Variants in GRID2 observed in about 807,000 individuals in gnomAD.
GRID2 encodes the protein glutamate receptor ionotropic, delta-2.
Under a neutral mutation model 114.8 loss-of-function variants are expected in GRID2, and 33 were observed. The observed-to-expected ratio is 0.29, with a 90% CI of 0.22 to 0.38. The LOEUF is 0.38. Among genes scored for constraint, GRID2 ranks in the 10% least tolerant of loss-of-function variants. The probability of loss-of-function intolerance (pLI) is 1.00; values close to 1 mark genes in which losing one functional copy is unlikely to be tolerated. For synonymous variants in GRID2, 505 were observed against 449.9 expected, an observed-to-expected ratio of 1.12 and a Z score of -1.55; for missense variants, 1,184 against 1,257.7, an observed-to-expected ratio of 0.94 and a Z score of 0.89.
At chr4:93,076,746 T>C (rs1729356321) in intron 2 of GRID2, among the ~76,000 whole-genome samples, 1 of 151,432 alleles carries the variant, frequency 6.6e-6, no homozygotes, top group Admixed American at 6.6e-5. Context: ...ACCTCCCAAG[T>C]AGCTGGGATT....
chr4:92,325,662 T>G (rs1315564275), intron 1 of GRID2, among the ~76,000 whole-genome samples: 1 of 151,746 alleles, frequency 6.6e-6, no homozygotes, highest in Non-Finnish European at 1.5e-5. Flanking sequence ...TTTTTGTTAT[T>G]TTTTTTATTC....
intron 1 of GRID2, among the ~76,000 whole-genome samples, chr4:92,435,519 G>A (rs1157386499): frequency 6.6e-6 from 1 of 152,132 alleles, no homozygotes; most frequent in East Asian, 1.9e-4. Context: ...AGTCTGTCTG[G>A]AATGAGACCC....
chr4:93,601,486 A>G (rs534607343), intron 13 of GRID2, among the ~76,000 whole-genome samples: 134 of 152,302 alleles, frequency 8.8e-4, no homozygotes, highest in African/African-American at 3.0e-3. Context: ...AATGAGGGGC[A>G]TTTTAACTAA....
intron 1 of GRID2, among the ~76,000 whole-genome samples, chr4:92,402,282 C>A (rs1326870252): frequency 6.6e-6 from 1 of 152,116 alleles, no homozygotes; most frequent in Non-Finnish European, 1.5e-5. Context: ...CCCTGTTGAT[C>A]TGTGTACTTT....
intron 2 of GRID2, among the ~76,000 whole-genome samples, chr4:92,620,833 C>T (rs377681559): frequency 2.0e-5 from 3 of 150,750 alleles, no homozygotes; most frequent in South Asian, 2.1e-4. Context: ...AGGAGATATA[C>T]CTAATGCTAA....
At chr4:92,367,999 C>A (rs1728952381) in intron 1 of GRID2, among the ~76,000 whole-genome samples, 1 of 151,950 alleles carries the variant, frequency 6.6e-6, no homozygotes, top group Non-Finnish European at 1.5e-5. Context: ...ATGTTGTGAG[C>A]TCAAAGAGAA....
intron 2 of GRID2, among the ~76,000 whole-genome samples, chr4:92,669,947 A>C (rs1732975159): frequency 6.6e-6 from 1 of 152,010 alleles, no homozygotes; most frequent in African/African-American, 2.4e-5. Context: ...TACTGTAGGT[A>C]ATTGAGCTAT....
At chr4:93,769,749 A>T (rs2110335630) in intron 15 of GRID2, among the ~76,000 whole-genome samples, 1 of 152,314 alleles carries the variant, frequency 6.6e-6, no homozygotes, top group African/African-American at 2.4e-5. Context: ...AGTGATTTTT[A>T]AAGGCCATGA....
chr4:92,946,587 A>T (rs1278720565), intron 2 of GRID2, among the ~76,000 whole-genome samples: 1 of 151,930 alleles, frequency 6.6e-6, no homozygotes, highest in Non-Finnish European at 1.5e-5. Flanking sequence ...TACTATGCAA[A>T]CTCTACTGCA....
intron 1 of GRID2, among the ~76,000 whole-genome samples, chr4:92,466,153 A>G (rs897711340): frequency 6.6e-6 from 1 of 151,822 alleles, no homozygotes; most frequent in African/African-American, 2.4e-5. Flanking sequence ...ACTACACTAT[A>G]TATATGTTAC....
intron 3 of GRID2, among the ~76,000 whole-genome samples, chr4:93,086,744 T>TA (rs1395181413): frequency 2.0e-5 from 3 of 152,160 alleles, no homozygotes; most frequent in African/African-American, 4.8e-5. Flanking sequence ...GCTCATCAGT[T>TA]AAAGTAAGGA....
intron 1 of GRID2, among the ~76,000 whole-genome samples, chr4:92,579,934 T>C (rs1466521188): frequency 2.0e-5 from 3 of 147,502 alleles, no homozygotes; most frequent in Non-Finnish European, 3.0e-5. Context: ...TGTATACATA[T>C]GTATATAATA....
intron 2 of GRID2, among the ~76,000 whole-genome samples, chr4:93,000,965 T>C (rs1049362790): frequency 6.6e-6 from 1 of 151,438 alleles, no homozygotes; most frequent in Non-Finnish European, 1.5e-5. Context: ...ATAAAATAAT[T>C]TTGAGAGAAG....
chr4:92,403,294 G>A (rs866062061), intron 1 of GRID2, among the ~76,000 whole-genome samples: 34 of 152,092 alleles, frequency 2.2e-4, no homozygotes, highest in African/African-American at 7.7e-4. Flanking sequence ...TTCTAGAACA[G>A]TTTTGTTGCA....
chr4:92,507,571 A>C (rs1217836702), intron 1 of GRID2, among the ~76,000 whole-genome samples: 1 of 151,942 alleles, frequency 6.6e-6, no homozygotes, highest in Non-Finnish European at 1.5e-5. Flanking sequence ...ATTGAATAAA[A>C]ATTTAAAAAA....
At chr4:93,184,149 A>C (rs969575132) in intron 4 of GRID2, among the ~76,000 whole-genome samples, 3 of 152,156 alleles carry the variant, frequency 2.0e-5, no homozygotes, top group Non-Finnish European at 4.4e-5. Context: ...AGATGGGAAA[A>C]ACTGTTAAAC....
chr4:93,439,007 T>A (rs965303073), intron 10 of GRID2, among the ~76,000 whole-genome samples: 3 of 152,268 alleles, frequency 2.0e-5, no homozygotes, highest in East Asian at 3.9e-4. Flanking sequence ...ACAAAGGACA[T>A]GAATTCATCA....
At chr4:92,447,857 C>A (rs1202477674) in intron 1 of GRID2, among the ~76,000 whole-genome samples, 1 of 152,180 alleles carries the variant, frequency 6.6e-6, no homozygotes, top group Non-Finnish European at 1.5e-5. Context: ...AAGGCCCCAC[C>A]TCCTAATACC....
intron 8 of GRID2, among the ~76,000 whole-genome samples, chr4:93,378,300 C>T (rs1239666618): frequency 6.6e-6 from 1 of 152,024 alleles, no homozygotes; most frequent in African/African-American, 2.4e-5. Flanking sequence ...TAAAGTAATG[C>T]AGCTAATATC....
Sources: allele counts gnomAD v4.1 joint callset (sites outside exome capture counted in the v4.1 genomes callset), GRCh38; gene constraint gnomAD v4.1.1; transcripts MANE v1.5; gene names NCBI Gene and HGNC (gene_info 2026-07-23, HGNC 2026-07-21).